The following MTAP variants were observed in gnomAD, a reference collection of about 807,000 sequenced individuals.
The protein encoded by MTAP is S-methyl-5'-thioadenosine phosphorylase.
Under a neutral mutation model 33.6 loss-of-function variants are expected in MTAP, and 33 were observed. That is an observed-to-expected ratio of 0.98 (90% CI 0.74 to 1.31). The LOEUF is 1.31. Ranked by LOEUF, MTAP falls within the 40% of genes most tolerant of loss-of-function variation. The pLI is 0.00. For missense variants in MTAP, 367 were observed against 360.0 expected, an observed-to-expected ratio of 1.02 and a Z score of -0.16; for synonymous variants, 148 against 125.7, an observed-to-expected ratio of 1.18 and a Z score of -1.19.
intron 1 of MTAP, chr9:21,929,899 T>A: frequency 2.8e-6 from 1 of 359,630 alleles, no homozygotes. Context: ...GTAATGTTAC[T>A]CTCTCTGTAG....
chr9:21,941,076 T>C (rs570506200), downstream of MTAP: 16 of 826,266 alleles, frequency 1.9e-5, no homozygotes, highest in Admixed American at 3.1e-4. Flanking sequence ...TGTATAATAG[T>C]TACTTAAAAT....
At chr9:21,940,405 G>T (rs1212131048), downstream of MTAP, among the ~76,000 whole-genome samples, 1 of 152,148 alleles carries the variant, frequency 6.6e-6, no homozygotes. Context: ...GAATGGGCAT[G>T]ACTATAAAGA....
In MTAP at chr9:21,862,334, C is replaced by T. The variant is rs1397824981; in HGVS notation, c.*320C>T. ...AATAAAGGGTGGAGGGTAATCTCTA[C>T]TTTCCTATACTGCCAAAGAATGTGA... On this transcript the variant is annotated 3_prime_UTR_variant, in exon 8 of 8. Transcript: ENST00000644715. 6 of 245,578 alleles carry T rather than the reference C, an allele frequency of 2.4e-5. No individual in the cohort carries two copies. Among genetic ancestry groups the T allele is most frequent in the Non-Finnish European group, 2.9e-5 (4 of 136,014 alleles). 15.2% of individuals were successfully genotyped at this position (245,578 alleles called of 1,614,324 possible). A position where few individuals can be genotyped will look rare whatever the true frequency, so the allele number is the denominator to read the frequency against.
intron 1 of MTAP, among the ~76,000 whole-genome samples, chr9:21,875,904 G>C (rs1008163228): frequency 1.3e-4 from 20 of 152,086 alleles, no homozygotes; most frequent in African/African-American, 4.6e-4. Context: ...TAATGAGATT[G>C]CTGGGTCAAA....
intron 1 of MTAP, among the ~76,000 whole-genome samples, chr9:21,890,526 T>C (rs1359093804): frequency 6.6e-6 from 1 of 152,236 alleles, no homozygotes; most frequent in Non-Finnish European, 1.5e-5. Context: ...TTCTTCTCTC[T>C]GTGGTTCTTT....
At chr9:21,915,027 C>T (rs1432282164) in intron 1 of MTAP, among the ~76,000 whole-genome samples, 1,327 of 101,104 alleles carry the variant, frequency 0.013, 114 homozygotes, top group African/African-American at 0.066. Context: ...TTCCTTCCTT[C>T]CTTCCTTCCT....
Position 21,894,652 on chromosome 9 carries a change from G to A in MTAP, c.148-36356G>A, listed in dbSNP as rs1180703064. ...AGGAGTTATACCTAATGTAAATGAC[G>A]AGTTAATGGGTGCAGCACACCAATA... On this transcript the variant is annotated intron_variant, in intron 1 of 1. Coordinates refer to the MTAP transcript ENST00000577563. Among the ~76,000 whole-genome samples the A allele has an allele frequency of 5.3e-5, 8 of 151,168 alleles. No individual in the cohort carries two copies. In the South Asian group the frequency reaches 8.4e-4, roughly 16 times the overall value.
intron 1 of MTAP, chr9:21,803,148 A>C (rs1405547215): frequency 4.8e-6 from 2 of 418,500 alleles, no homozygotes; most frequent in South Asian, 1.0e-4. Context: ...CCTGAGAACC[A>C]CTCTTCTTCC....
chr9:21,865,007 G>C lies in MTAP; in HGVS notation c.*2993G>C, dbSNP rs1304390399. ...TGAAACAATTTGATAAGGTTTCAAG[G>C]AGTATCTGATGGGTTAGGAAGTCAC... On this transcript the variant is annotated 3_prime_UTR_variant, in exon 8 of 8. Coordinates refer to ENST00000644715, the MANE Select transcript of MTAP (RefSeq NM_002451.4). 7.1e-6 allele frequency: 7 copies of C among 985,356 alleles called. No homozygotes were observed. The South Asian group carries it at 2.8e-4, about 40-fold the overall frequency. The allele number at this position is 985,356 out of a possible 1,614,324, so 61.0% of individuals were successfully genotyped here. A position where few individuals can be genotyped will look rare whatever the true frequency, so the allele number is the denominator to read the frequency against.
intron 4 of MTAP, 67 bp downstream of exon 4, chr9:21,818,269 G>A (rs1366532872): frequency 1.3e-5 from 19 of 1,504,396 alleles, no homozygotes; most frequent in African/African-American, 2.8e-5. Flanking sequence ...TGGACGACGC[G>A]TGGGAACCGG....
chr9:21,810,021 G>A (rs895481994), intron 1 of MTAP, among the ~76,000 whole-genome samples: 24 of 152,328 alleles, frequency 1.6e-4, no homozygotes, highest in African/African-American at 5.8e-4. Flanking sequence ...AAAAACCATG[G>A]ATGTTTTGAG....
chr9:21,838,804 AAGTC>A (rs1486243583), intron 5 of MTAP, among the ~76,000 whole-genome samples: 1 of 152,236 alleles, frequency 6.6e-6, no homozygotes, highest in Non-Finnish European at 1.5e-5. Flanking sequence ...CCAGGTTTGA[AAGTC>A]AGGTGCAACT....
intron 1 of MTAP, chr9:21,812,317 G>A (rs12002663): frequency 0.17 from 32,814 of 194,038 alleles, 5,597 homozygotes; most frequent in African/African-American, 0.47. Context: ...AGGGTTCTGA[G>A]GCAGATGTCA....
intron 7 of MTAP, chr9:21,861,227 T>A (rs148863423): frequency 6.6e-6 from 1 of 152,330 alleles, no homozygotes; most frequent in African/African-American, 2.4e-5. Context: ...GCTTCTGAAA[T>A]TGTAAAATTG....
Position 21,863,671 on chromosome 9 carries a change from T to C in MTAP, c.*1657T>C, listed in dbSNP as rs1825799722. ...GCTTTTTGTTTGCTTCAGTTTTTTA[T>C]CATGGGGAGATCTTTTTCCTCAGAA... is the stretch of plus-strand genomic sequence containing the variant. On this transcript the variant is annotated 3_prime_UTR_variant, in exon 8 of 8. Transcript: ENST00000644715. 1.0e-6 allele frequency: 1 copy of C among 985,726 alleles called. No homozygotes were observed. The highest frequency in any genetic ancestry group is 6.2e-5 in the Admixed American group (1 of 16,258). 61.1% of individuals were successfully genotyped at this position (985,726 alleles called of 1,614,324 possible).
intron 4 of MTAP, among the ~76,000 whole-genome samples, chr9:21,831,456 A>G (rs1369982345): frequency 2.0e-5 from 3 of 151,774 alleles, no homozygotes; most frequent in East Asian, 1.9e-4. Context: ...CAGCCCGTCT[A>G]GTAGCTAGGA....
intron 4 of MTAP, 104 bp from the exon 5 acceptor site, chr9:21,837,804 G>A (rs1280003533): frequency 2.4e-6 from 2 of 834,212 alleles, no homozygotes; most frequent in African/African-American, 1.7e-5. Context: ...CTGGAGTAAA[G>A]ACCCAAATAT....
chr9:21,907,219 A>T (rs1818490664), intron 1 of MTAP, among the ~76,000 whole-genome samples: 1 of 152,210 alleles, frequency 6.6e-6, no homozygotes, highest in Non-Finnish European at 1.5e-5. Context: ...CTAACCTGTA[A>T]AGGCTGTGAC....
chr9:21,888,202 A>C (rs901128125), intron 1 of MTAP, among the ~76,000 whole-genome samples: 1 of 151,672 alleles, frequency 6.6e-6, no homozygotes, highest in African/African-American at 2.4e-5. Flanking sequence ...TATAATTTTG[A>C]TTTTCTTAAA....
Sources: gnomAD v4.1 joint callset for allele counts (sites outside exome capture counted in the v4.1 genomes callset) on GRCh38, gnomAD v4.1.1 for gene constraint, MANE v1.5 for transcripts, NCBI Gene and HGNC (gene_info 2026-07-23, HGNC 2026-07-21) for gene names.